INPP5D: variants seen among roughly 807,000 people sequenced by gnomAD.
INPP5D encodes phosphatidylinositol 3,4,5-trisphosphate 5-phosphatase 1.
INPP5D carries 33 observed loss-of-function variants against 122.9 expected under a neutral mutation model. The observed-to-expected ratio is 0.27, with a 90% CI of 0.20 to 0.36. INPP5D has a LOEUF of 0.36. Ranked by LOEUF, INPP5D falls within the 10% of genes least tolerant of loss-of-function variation. INPP5D has a pLI of 1.00. For synonymous variants in INPP5D, 584 were observed against 576.2 expected, an observed-to-expected ratio of 1.01 and a Z score of -0.19; for missense variants, 1,053 against 1,412.7, an observed-to-expected ratio of 0.75 and a Z score of 4.08.
rs762487104 is a variant in INPP5D, at chr2:233,206,602, A to G, written c.3568-104A>G. On this transcript the variant is annotated intron_variant, in intron 26 of 26. Coordinates refer to ENST00000445964, the MANE Select transcript of INPP5D (RefSeq NM_001017915.3). The surrounding 1 kb of genome is among the most constrained non-coding windows in gnomAD (Gnocchi z 4.0). ...GCTGGCTCTTCTCAGCTACACGTTA[A>G]AGGAAGCCTGGCCTAGCCCACAGCA... The G allele has an allele frequency of 3.7e-5, 26 of 693,718 alleles. No individual in the cohort carries two copies. Among genetic ancestry groups the G allele is most frequent in the Non-Finnish European group, 6.7e-5 (25 of 371,568 alleles). 43.0% of individuals were successfully genotyped at this position (693,718 alleles called of 1,614,324 possible).
intron 2 of INPP5D, among the ~76,000 whole-genome samples, chr2:233,093,108 G>A (rs1692034953): frequency 6.6e-6 from 1 of 152,214 alleles, no homozygotes; most frequent in Admixed American, 6.5e-5. Context: ...TCTCCTTCAC[G>A]TGGTCTGATG....
intron 2 of INPP5D, among the ~76,000 whole-genome samples, chr2:233,121,673 G>A (rs1468441410): frequency 4.0e-5 from 6 of 151,454 alleles, no homozygotes; most frequent in Non-Finnish European, 8.8e-5. Context: ...CTGCCACCAC[G>A]CCCGGCTAAT....
At position 233,144,080 on chromosome 2, in the gene INPP5D, A is replaced by G. The variant is rs1171586954; in HGVS notation, c.754-2082A>G. Among the ~76,000 whole-genome samples the G allele has an allele frequency of 2.7e-4, 33 of 122,524 alleles. No individual in the cohort carries two copies. The South Asian group carries it at 8.8e-3, about 33-fold the overall frequency. 80.4% of individuals were successfully genotyped at this position (122,524 alleles called of 152,430 possible). ...GTGGAGGTGGTCATGATCATGGAAA[A>G]TAATAGGTGTGGAGATAGTGGTAGT... is the stretch of plus-strand genomic sequence containing the variant. On this transcript the variant is annotated intron_variant, in intron 6 of 26. Coordinates refer to ENST00000445964, the MANE Select transcript of INPP5D (RefSeq NM_001017915.3).
chr2:233,086,148 T>TCTTTCTTTCTTTCTTTCTTTCTTTCTTC (rs1691833945), intron 2 of INPP5D, among the ~76,000 whole-genome samples: 1 of 143,810 alleles, frequency 7.0e-6, no homozygotes, highest in African/African-American at 2.6e-5. Context: ...TTTCTTTCTT[T>TCTTTCTTTCTTTCTTTCTTTCTTTCTTC]CTTTCTTTCT....
Position 233,060,507 on chromosome 2 carries a change from T to A in INPP5D, c.29T>A (p.Ile10Asn). 1 of 1,612,664 alleles carries A rather than the reference T, an allele frequency of 6.2e-7. No homozygotes were observed. The highest frequency in any genetic ancestry group is 1.1e-5 in the South Asian group (1 of 90,918). The change falls in exon 1 of 27, where the codon ATC becomes AAC. Residue 10 changes from isoleucine to asparagine, a missense_variant. Ile to Asn is a moderately radical substitution (Grantham distance 149, BLOSUM62 -3). Around this residue, in one of 6 missense-constraint regions of INPP5D, gnomAD observed 74 missense variants for 146.6 expected, o/e 0.50. Coordinates refer to ENST00000445964, the MANE Select transcript of INPP5D (RefSeq NM_001017915.3). ...GTCCCCTGCTGGAACCATGGCAACA[T>A]CACCCGCTCCAAGGCGGAGGAGCTG... MVPCWNHGN[I>N]TRSKAEELLS...
chr2:233,199,248 G>A (rs1452086095), intron 25 of INPP5D, among the ~76,000 whole-genome samples: 2 of 138,100 alleles, frequency 1.4e-5, no homozygotes, highest in East Asian at 2.0e-4. Flanking sequence ...AATGCCAGGT[G>A]TGGTGGTGCA....
chr2:233,136,418 G>T (rs1159464351), intron 5 of INPP5D, among the ~76,000 whole-genome samples: 1 of 151,668 alleles, frequency 6.6e-6, no homozygotes. Flanking sequence ...GACGGAGGTT[G>T]CAGTGAGCCG....
At position 233,129,845 on chromosome 2, in the gene INPP5D, AC is replaced by A. The variant is rs1252519320; in HGVS notation, c.525-662del. ...CTTTATAAGTAGATAAGGTAGGAAA[AC>A]AATTCCACTTACACTTTCCAAAGCT... is the stretch of plus-strand genomic sequence containing the variant. On this transcript the variant is annotated intron_variant, in intron 4 of 26. Transcript: ENST00000445964. Among the ~76,000 whole-genome samples the A allele has an allele frequency of 7.9e-5, 12 of 152,074 alleles. 1 individual carries two copies. Among genetic ancestry groups the A allele is most frequent in the Admixed American group, 7.9e-4 (12 of 15,244 alleles).
At chr2:233,205,775 C>T (rs1458200332) in intron 26 of INPP5D, 4 of 152,156 alleles carry the variant, frequency 2.6e-5, no homozygotes, top group South Asian at 4.1e-4. Context: ...GCAAAACTAA[C>T]AGTGATTAAG....
chr2:233,084,879 T>C (rs188906206), intron 2 of INPP5D, among the ~76,000 whole-genome samples: 13 of 152,372 alleles, frequency 8.5e-5, no homozygotes, highest in African/African-American at 3.1e-4. Context: ...GAGGGGTTCC[T>C]TTATGCTCTG....
intron 17 of INPP5D, among the ~76,000 whole-genome samples, chr2:233,175,074 C>T (rs528177835): frequency 4.0e-5 from 6 of 151,752 alleles, no homozygotes; most frequent in Middle Eastern, 6.8e-3. Flanking sequence ...CAAAATTAGC[C>T]GGGCATGCTG....
intron 18 of INPP5D, among the ~76,000 whole-genome samples, chr2:233,181,397 A>G (rs1694779820): frequency 6.6e-6 from 1 of 151,872 alleles, no homozygotes; most frequent in Non-Finnish European, 1.5e-5. Context: ...CCGCCCATTC[A>G]TGGTTGGTGT....
chr2:233,203,160 C>T (rs1368155710), intron 25 of INPP5D, among the ~76,000 whole-genome samples: 1 of 152,206 alleles, frequency 6.6e-6, no homozygotes, highest in African/African-American at 2.4e-5. Flanking sequence ...CTTGAGCTTT[C>T]ACCCTCAAGT....
intron 2 of INPP5D, among the ~76,000 whole-genome samples, chr2:233,112,108 A>G (rs1361380744): frequency 6.6e-6 from 1 of 151,778 alleles, no homozygotes; most frequent in African/African-American, 2.4e-5. Flanking sequence ...TTTTTCCTCA[A>G]ACTCTCACCC....
intron 2 of INPP5D, among the ~76,000 whole-genome samples, chr2:233,112,919 A>G (rs1388557522): frequency 6.6e-6 from 1 of 152,108 alleles, no homozygotes; most frequent in Non-Finnish European, 1.5e-5. Context: ...CGGTTTCCCA[A>G]AGTGCTGGGA....
intron 2 of INPP5D, among the ~76,000 whole-genome samples, chr2:233,103,249 AC>A (rs1387431746): frequency 6.6e-6 from 1 of 152,190 alleles, no homozygotes; most frequent in Admixed American, 6.5e-5. Flanking sequence ...ACAAAGAATG[AC>A]AACCCATATA....
chr2:233,193,712 G>A, intron 22 of INPP5D, 100 bp from the exon 23 acceptor site: 1 of 1,590,802 alleles, frequency 6.3e-7, no homozygotes, highest in East Asian at 2.2e-5. Flanking sequence ...ACCCTTGCCT[G>A]GGCTATAGTT....
At chr2:233,163,670 C>A in intron 11 of INPP5D, 37 bp from the exon 12 acceptor site, 1 of 1,612,750 alleles carries the variant, frequency 6.2e-7, no homozygotes, top group Non-Finnish European at 8.5e-7. Context: ...ACTCGATGTG[C>A]CTTTGACTCA....
At chr2:233,121,576 C>T (rs1015992796) in intron 2 of INPP5D, among the ~76,000 whole-genome samples, 8 of 148,778 alleles carry the variant, frequency 5.4e-5, no homozygotes, top group African/African-American at 2.0e-4. Context: ...AGTGCAGCGG[C>T]GCAATCTCGG....
Sources: gnomAD v4.1 joint callset for allele counts (sites outside exome capture counted in the v4.1 genomes callset) on GRCh38, gnomAD v4.1.1 for gene constraint, gnomAD v4.1.1 regional missense constraint, Gnocchi (gnomAD v3.1) non-coding constraint, MANE v1.5 for transcripts, NCBI Gene and HGNC (gene_info 2026-07-23, HGNC 2026-07-21) for gene names.